The following C12orf75 variants were observed in gnomAD, a reference collection of about 807,000 sequenced individuals.
C12orf75 encodes overexpressed in colon carcinoma 1 protein.
In C12orf75, 4 loss-of-function variants were observed where a neutral mutation model predicts 11.4. The ratio of observed to expected loss-of-function variants is 0.35; its 90% CI spans 0.17 to 0.80. C12orf75 has a LOEUF of 0.80. Ranked by LOEUF, C12orf75 falls within the 30% of genes least tolerant of loss-of-function variation. C12orf75 has a pLI of 0.52. For synonymous variants in C12orf75, 30 were observed against 30.0 expected (o/e 1.00, Z 0.00); for missense variants, 89 against 80.4 (o/e 1.11, Z -0.41).
chr12:105,361,905 T>G (rs1303781898), intron 2 of C12orf75, among the ~76,000 whole-genome samples: 1 of 152,174 alleles, frequency 6.6e-6, no homozygotes, highest in African/African-American at 2.4e-5. Context: ...ATGAATAGAT[T>G]CTAATGTAAC....
intron 1 of C12orf75, among the ~76,000 whole-genome samples, chr12:105,347,296 T>A (rs961069633): frequency 6.6e-6 from 1 of 152,194 alleles, no homozygotes; most frequent in African/African-American, 2.4e-5. Context: ...GGGGAATTTA[T>A]TAAGGAGGAC....
intron 2 of C12orf75, among the ~76,000 whole-genome samples, chr12:105,352,875 C>G (rs1892730665): frequency 6.6e-6 from 1 of 152,200 alleles, no homozygotes. Context: ...ACATGTGTAT[C>G]AGAAAACAAG....
At chr12:105,362,216 C>T (rs1457380662) in intron 2 of C12orf75, among the ~76,000 whole-genome samples, 2 of 150,730 alleles carry the variant, frequency 1.3e-5, no homozygotes, top group Non-Finnish European at 3.0e-5. Context: ...GAAACCCCGT[C>T]TCTACTAAAA....
chr12:105,344,688 G>A (rs893418619), intron 1 of C12orf75, among the ~76,000 whole-genome samples: 2 of 151,632 alleles, frequency 1.3e-5, no homozygotes, highest in Admixed American at 6.6e-5. Context: ...AGAGGTTGTG[G>A]TGAGCCAAGA....
chr12:105,354,393 C>T (rs1445977166), intron 2 of C12orf75, among the ~76,000 whole-genome samples: 1 of 152,108 alleles, frequency 6.6e-6, no homozygotes, highest in Non-Finnish European at 1.5e-5. Context: ...ATTTTCTGTA[C>T]GTTATCTCCT....
intron 2 of C12orf75, among the ~76,000 whole-genome samples, chr12:105,355,792 G>A (rs1001766564): frequency 5.3e-5 from 8 of 152,184 alleles, no homozygotes; most frequent in African/African-American, 1.9e-4. Context: ...TTGCCTTATA[G>A]CAAATGATAT....
At chr12:105,337,017 C>A (rs942892039) in intron 1 of C12orf75, among the ~76,000 whole-genome samples, 35 of 152,066 alleles carry the variant, frequency 2.3e-4, no homozygotes, top group African/African-American at 7.5e-4. Flanking sequence ...TCTTTTTGCC[C>A]ACTGCCCCAA....
intron 3 of C12orf75, 69 bp from the exon 4 acceptor site, chr12:105,366,548 C>T (rs1871477807): frequency 4.3e-6 from 3 of 705,866 alleles, no homozygotes; most frequent in Non-Finnish European, 7.3e-6. Context: ...GTTTGGAGTA[C>T]TCCGTGCTTC....
At chr12:105,341,428 AC>A (rs1432301467) in intron 1 of C12orf75, among the ~76,000 whole-genome samples, 1 of 152,136 alleles carries the variant, frequency 6.6e-6, no homozygotes, top group East Asian at 1.9e-4. Context: ...GTCCCACAAG[AC>A]TGCCCTCCCT....
chr12:105,348,546 C>T, intron 1 of C12orf75, 56 bp from the exon 2 acceptor site: 1 of 1,276,686 alleles, frequency 7.8e-7, no homozygotes, highest in Non-Finnish European at 1.1e-6. Flanking sequence ...TATTAGACAA[C>T]ATTTTTGTAG....
At position 105,352,990 on chromosome 12, in the gene C12orf75, G is replaced by A. The variant is rs138009647; in HGVS notation, c.71+4364G>A. ...GAATTCAAGGTAATGACATTCGGCC[G>A]CTTTCACAAACCTGCCAACATCAAC... On this transcript the variant is annotated intron_variant, in intron 2 of 5. Transcript: ENST00000443585. 7.1e-3 allele frequency among the ~76,000 whole-genome samples: 1,082 copies of A among 152,270 alleles called. 8 individuals carry two copies. The highest frequency in any genetic ancestry group is 0.023 in the African/African-American group (955 of 41,538).
chr12:105,343,029 C>T (rs1892593029), intron 1 of C12orf75, among the ~76,000 whole-genome samples: 1 of 152,090 alleles, frequency 6.6e-6, no homozygotes, highest in Non-Finnish European at 1.5e-5. Flanking sequence ...ATGGAAATGT[C>T]CTTCTTTACA....
Position 105,366,660 on chromosome 12 carries a change from A to C in C12orf75, c.151A>C (p.Asn51His). 1 of 1,544,656 alleles carries C rather than the reference A, an allele frequency of 6.5e-7. No homozygotes were observed. The highest frequency in any genetic ancestry group is 8.8e-7 in the Non-Finnish European group (1 of 1,140,904). Residue 51 changes from asparagine (N) to histidine (H), a missense_variant, in exon 4 of 6, where the codon AAT (asparagine) becomes CAT (histidine). Asn to His is a moderately conservative substitution (Grantham distance 68, BLOSUM62 1). Transcript: ENST00000443585. ...TGTTGGCCTACCATCTGAAGCTGTC[A>C]ATATGGTGTCCAGTCAAACAAAGAC... ...VYVGLPSEAV[N>H]MVSSQTKTVR...
At chr12:105,342,356 C>G (rs1892586266) in intron 1 of C12orf75, among the ~76,000 whole-genome samples, 1 of 152,154 alleles carries the variant, frequency 6.6e-6, no homozygotes, top group African/African-American at 2.4e-5. Context: ...AGTTTGGCCC[C>G]TTCTTGCGCT....
In C12orf75 at chr12:105,343,718, CT is replaced by C. The variant is rs58150162; in HGVS notation, c.47-4873del. Among the ~76,000 whole-genome samples, 936 of 146,128 alleles carry C rather than the reference CT, an allele frequency of 6.4e-3. 8 individuals carry two copies. The highest frequency in any genetic ancestry group is 0.022 in the African/African-American group (863 of 40,098). On this transcript the variant is annotated intron_variant, in intron 1 of 5. Transcript: ENST00000443585. Reference sequence around the variant, plus strand: ...GTTTAGGGTTTCCAACATTTGCAACCTTTTTTTTTTTCTTTTGGGAAGTTGT... The same window carrying C: ...GTTTAGGGTTTCCAACATTTGCAACCTTTTTTTTTTCTTTTGGGAAGTTGT...
chr12:105,362,310 G>A (rs1159906993), intron 2 of C12orf75, among the ~76,000 whole-genome samples: 9 of 148,390 alleles, frequency 6.1e-5, no homozygotes, highest in South Asian at 4.3e-4. Flanking sequence ...GCGTGAACCC[G>A]GGAGGCGGAG....
intron 1 of C12orf75, among the ~76,000 whole-genome samples, chr12:105,341,432 C>G (rs2136142172): frequency 6.6e-6 from 1 of 152,308 alleles, no homozygotes; most frequent in African/African-American, 2.4e-5. Flanking sequence ...CACAAGACTG[C>G]CCTCCCTTCA....
At chr12:105,356,707 T>C (rs996881109) in intron 2 of C12orf75, among the ~76,000 whole-genome samples, 3 of 152,160 alleles carry the variant, frequency 2.0e-5, no homozygotes, top group African/African-American at 4.8e-5. Flanking sequence ...ATGGTTCCAT[T>C]ATTTCACTGT....
chr12:105,339,114 A>G (rs964067999), intron 1 of C12orf75, among the ~76,000 whole-genome samples: 4 of 152,192 alleles, frequency 2.6e-5, no homozygotes. Context: ...GGATGAAGTA[A>G]TGAGCTGTTG....
Sources: gnomAD v4.1 joint callset for allele counts (sites outside exome capture counted in the v4.1 genomes callset) on GRCh38, gnomAD v4.1.1 for gene constraint, MANE v1.5 for transcripts, NCBI Gene and HGNC (gene_info 2026-07-23, HGNC 2026-07-21) for gene names.